BNIPL: variants seen among roughly 807,000 people sequenced by gnomAD.
BNIPL encodes bcl-2/adenovirus E1B 19 kDa-interacting protein 2-like protein.
In BNIPL, 33 loss-of-function variants were observed where a neutral mutation model predicts 47.0. The observed-to-expected ratio is 0.70, with a 90% CI of 0.53 to 0.94. The LOEUF (loss-of-function observed/expected upper bound fraction) is 0.94, where lower values mean the gene tolerates loss of function less well. Among genes scored for constraint, BNIPL ranks in the 40% least tolerant of loss-of-function variants. The probability of loss-of-function intolerance (pLI) is 0.00; values close to 1 mark genes in which losing one functional copy is unlikely to be tolerated. For missense variants in BNIPL, 404 were observed against 445.2 expected (o/e 0.91, Z 0.83); for synonymous variants, 145 against 162.7 (o/e 0.89, Z 0.83).
In BNIPL at chr1:151,043,727, G is replaced by A. The variant is rs756383202; in HGVS notation, c.851G>A (p.Arg284Gln). 37 of 1,612,490 alleles carry A rather than the reference G, an allele frequency of 2.3e-5. No individual in the cohort carries two copies. The highest frequency in any genetic ancestry group is 1.9e-4 in the South Asian group (17 of 90,930). ...IRQCYRTLDR[R>Q]LRKNLRALVV... is the part of the protein sequence containing the mutation. ...CAGTGTTACCGTACCCTGGATCGGC[G>A]GTGAGACCTGGGATGAGAGGGCTAC... Residue 284 changes from arginine (R) to glutamine (Q), a missense_variant and splice_region_variant, in exon 7 of 10, where the codon CGG becomes CAG. Coordinates refer to ENST00000368931, the MANE Select transcript of BNIPL (RefSeq NM_138278.4).
At chr1:151,042,928 T>C in intron 4 of BNIPL, 28 bp from the exon 5 acceptor site, 5 of 1,478,138 alleles carry the variant, frequency 3.4e-6, no homozygotes, top group Non-Finnish European at 4.5e-6. Flanking sequence ...ATCTGCCTTG[T>C]TGATCCTTCC....
intron 1 of BNIPL, among the ~76,000 whole-genome samples, chr1:151,037,134 T>C (rs1675633668): frequency 1.3e-5 from 2 of 152,182 alleles, no homozygotes; most frequent in Admixed American, 1.3e-4. Context: ...TCTTTCTCCT[T>C]ACCTTCTTCC....
chr1:151,036,858 C>A, intron 1 of BNIPL, 92 bp downstream of exon 1: 2 of 1,323,048 alleles, frequency 1.5e-6, no homozygotes, highest in South Asian at 2.4e-5. Context: ...GGTCAAATCT[C>A]GGGTTCCTCA....
At chr1:151,037,718 G>A in intron 2 of BNIPL, 56 bp downstream of exon 2, 1 of 1,462,026 alleles carries the variant, frequency 6.8e-7, no homozygotes, top group Non-Finnish European at 9.4e-7. Flanking sequence ...AATGGACGGA[G>A]GGGATGGCGC....
rs1675919204 is a variant in BNIPL at position 151,043,851 on chromosome 1, C to A, written c.851+124C>A. ...TTGTCCTTTTACGTTCCTTTCCCAG[C>A]TCTTTTGTCTTCTGTCTTCTCTTGG... On this transcript the variant is annotated intron_variant, in intron 7 of 9. Coordinates refer to ENST00000368931, the MANE Select transcript of BNIPL (RefSeq NM_138278.4). 3 of 1,200,802 alleles carry A rather than the reference C, an allele frequency of 2.5e-6. No homozygotes were observed. In the East Asian group the frequency reaches 7.6e-5, roughly 30 times the overall value. 74.4% of individuals were successfully genotyped at this position (1,200,802 alleles called of 1,614,324 possible).
chr1:151,043,426 C>T lies in BNIPL; in HGVS notation c.711C>T (p.His237=). 6.2e-7 allele frequency: 1 copy of T among 1,600,944 alleles called. No individual in the cohort carries two copies. The highest frequency in any genetic ancestry group is 8.6e-7 in the Non-Finnish European group (1 of 1,168,212). Residue 237 remains histidine, a synonymous_variant, in exon 6 of 10, where the codon CAC becomes CAT. Coordinates refer to ENST00000368931, the MANE Select transcript of BNIPL (RefSeq NM_138278.4). ...CCAACTACACCTATGTCATGGAACA[C>T]TTGTTTAGGTGAGGTGGAAGGCCTG... ...SIPNYTYVME[H]LFRYMVGTLE...
chr1:151,047,685 C>G lies in BNIPL; in HGVS notation c.*998C>G. The G allele has an allele frequency of 1.6e-6, 2 of 1,236,664 alleles. No individual in the cohort carries two copies. Among genetic ancestry groups the G allele is most frequent in the Non-Finnish European group, 2.1e-6 (2 of 931,418 alleles). 76.6% of individuals were successfully genotyped at this position (1,236,664 alleles called of 1,614,324 possible). On this transcript the variant is annotated 3_prime_UTR_variant, in exon 10 of 10. Coordinates refer to ENST00000368931, the MANE Select transcript of BNIPL (RefSeq NM_138278.4). Reference sequence around the variant, plus strand: ...TGCCGCAGAGGTTCCTTAGGAGCACCCCGCGCGGCCCGCGCGAGCGCGCCT... The same window carrying G: ...TGCCGCAGAGGTTCCTTAGGAGCACGCCGCGCGGCCCGCGCGAGCGCGCCT...
At chr1:151,044,954 G>T (rs186706161) in intron 7 of BNIPL, 1 of 1,287,396 alleles carries the variant, frequency 7.8e-7, no homozygotes, top group East Asian at 5.6e-5. Flanking sequence ...TAGAGCACAA[G>T]ATGGAAATGG....
rs202142192 is a variant in BNIPL, at chr1:151,036,987, TAAAG to T, written c.41+222_41+225del. Among the ~76,000 whole-genome samples, 1,293 of 152,260 alleles carry T rather than the reference TAAAG, an allele frequency of 8.5e-3. 12 individuals are homozygous for T. Among genetic ancestry groups the T allele is most frequent in the African/African-American group, 0.027 (1,118 of 41,544 alleles). On this transcript the variant is annotated intron_variant, in intron 1 of 9. Coordinates refer to ENST00000368931, the MANE Select transcript of BNIPL (RefSeq NM_138278.4). ...CCAGGATAATTCCCTGGTTTAAAAA[TAAAG>T]GAAGTTTCTGTAATATGTTGTACCT...
At chr1:151,046,273 C>T (rs1676020449) in intron 9 of BNIPL, 108 bp downstream of exon 9, 2 of 1,488,540 alleles carry the variant, frequency 1.3e-6, no homozygotes, top group African/African-American at 1.4e-5. Flanking sequence ...CTAGAGGGCC[C>T]TGTTTTCGGG....
intron 7 of BNIPL, among the ~76,000 whole-genome samples, chr1:151,044,501 G>C (rs1359298247): frequency 6.6e-6 from 1 of 151,942 alleles, no homozygotes; most frequent in Non-Finnish European, 1.5e-5. Flanking sequence ...GCAGTGCAGT[G>C]GTAAGATCTT....
At chr1:151,043,279 A>G in intron 5 of BNIPL, 53 bp from the exon 6 acceptor site, 1 of 1,521,234 alleles carries the variant, frequency 6.6e-7, no homozygotes, top group Non-Finnish European at 9.1e-7. Flanking sequence ...CAGATATACT[A>G]TCTGTCAATA....
rs751353502 is a variant in BNIPL, at chr1:151,043,637, A to G, written c.761A>G (p.Tyr254Cys). ...CTGGAGCTGCTAGTAGCTGAAAATTACCTGCTTGTTCATTTGAGTGGAGGC... is the reference window on the plus strand; with the variant it reads ...CTGGAGCTGCTAGTAGCTGAAAATTGCCTGCTTGTTCATTTGAGTGGAGGC... Reference protein sequence around the residue: ...GTLELLVAENYLLVHLSGGTS... With the variant: ...GTLELLVAENCLLVHLSGGTS... Residue 254 changes from tyrosine (Y) to cysteine (C), a missense_variant, in exon 7 of 10, where the codon TAC (tyrosine) becomes TGC (cysteine). Physicochemically the swap from Tyr to Cys is radical, Grantham distance 194. Transcript: ENST00000368931. 3.7e-6 allele frequency: 6 copies of G among 1,611,332 alleles called. No homozygotes were observed. In the African/African-American group the frequency reaches 8.0e-5, roughly 22 times the overall value.
rs1675919463 is a variant in BNIPL at position 151,043,864 on chromosome 1, T to G, written c.851+137T>G. 5 of 1,105,712 alleles carry G rather than the reference T, an allele frequency of 4.5e-6. No homozygotes were observed. The East Asian group carries it at 1.3e-4, about 29-fold the overall frequency. The allele number at this position is 1,105,712 out of a possible 1,614,324, so 68.5% of individuals were successfully genotyped here. A position where few individuals can be genotyped will look rare whatever the true frequency, so the allele number is the denominator to read the frequency against. ...TTCCTTTCCCAGCTCTTTTGTCTTC[T>G]GTCTTCTCTTGGAGTCAAGGAAATC... On this transcript the variant is annotated intron_variant, in intron 7 of 9. Coordinates refer to ENST00000368931, the MANE Select transcript of BNIPL (RefSeq NM_138278.4).
At chr1:151,041,480 C>T (rs1675822692) in intron 4 of BNIPL, among the ~76,000 whole-genome samples, 1 of 151,986 alleles carries the variant, frequency 6.6e-6, no homozygotes, top group Non-Finnish European at 1.5e-5. Flanking sequence ...GTACCCATAG[C>T]CCTAGCTACT....
intron 4 of BNIPL, 136 bp from the exon 5 acceptor site, chr1:151,042,820 A>C (rs1399353311): frequency 3.1e-6 from 2 of 652,326 alleles, no homozygotes; most frequent in South Asian, 2.5e-5. Flanking sequence ...TCTCAAAAAA[A>C]AGGAAAAAAA....
In BNIPL at chr1:151,047,691, C is replaced by A; in HGVS notation, c.*1004C>A. ...AGAGGTTCCTTAGGAGCACCCCGCG[C>A]GGCCCGCGCGAGCGCGCCTGCGCGT... On this transcript the variant is annotated 3_prime_UTR_variant, in exon 10 of 10. Transcript: ENST00000368931. 1 of 1,280,772 alleles carries A rather than the reference C, an allele frequency of 7.8e-7. No individual in the cohort carries two copies. 79.3% of individuals were successfully genotyped at this position (1,280,772 alleles called of 1,614,324 possible). A position where few individuals can be genotyped will look rare whatever the true frequency, so the allele number is the denominator to read the frequency against.
chr1:151,044,778 G>GT (rs112736066), intron 7 of BNIPL: 151,168 of 755,130 alleles, frequency 0.2, 491 homozygotes, highest in South Asian at 0.29. Flanking sequence ...TCCTTCTCAG[G>GT]TTTTTTTTTT....
Position 151,046,766 on chromosome 1 carries a change from G to A in BNIPL, c.*79G>A. 3 of 1,264,752 alleles carry A rather than the reference G, an allele frequency of 2.4e-6. No individual in the cohort carries two copies. Among genetic ancestry groups the A allele is most frequent in the Non-Finnish European group, 3.4e-6 (3 of 890,440 alleles). 78.3% of individuals were successfully genotyped at this position (1,264,752 alleles called of 1,614,324 possible). ...ATCCCTGAAACATCTGAACTGTTTT[G>A]TAAATCATCTTATCCCCAACCTCAG... On this transcript the variant is annotated 3_prime_UTR_variant, in exon 10 of 10. Coordinates refer to ENST00000368931, the MANE Select transcript of BNIPL (RefSeq NM_138278.4).
Sources: allele counts gnomAD v4.1 joint callset (sites outside exome capture counted in the v4.1 genomes callset), GRCh38; gene constraint gnomAD v4.1.1; transcripts MANE v1.5; gene names NCBI Gene and HGNC (gene_info 2026-07-23, HGNC 2026-07-21).